CHRNB4: variants seen among roughly 807,000 people sequenced by gnomAD.
CHRNB4 encodes the protein neuronal acetylcholine receptor subunit beta-4.
A neutral mutation model predicts 40.4 loss-of-function variants in CHRNB4; 23 were observed. The ratio of observed to expected loss-of-function variants is 0.57; its 90% CI spans 0.41 to 0.81. CHRNB4 has a LOEUF of 0.81. CHRNB4 is among the 30% of genes least tolerant of loss of function. CHRNB4 has a pLI of 0.00. For missense variants in CHRNB4, 568 were observed against 670.6 expected (o/e 0.85, Z 1.69); for synonymous variants, 285 against 274.4 (o/e 1.04, Z -0.38).
At chr15:78,648,083 T>C (rs2054141114) in intron 7 of CHRNB4, among the ~76,000 whole-genome samples, 1 of 151,504 alleles carries the variant, frequency 6.6e-6, no homozygotes, top group South Asian at 2.1e-4. Context: ...ATGAGATTAG[T>C]GCTTTATAAA....
chr15:78,639,551 G>C (rs1329194455), intron 1 of CHRNB4, among the ~76,000 whole-genome samples: 1 of 152,190 alleles, frequency 6.6e-6, no homozygotes, highest in African/African-American at 2.4e-5. Flanking sequence ...GCCCGCCTCT[G>C]CCTCCCAAAG....
At chr15:78,628,524 G>GA (rs1178560818) in intron 5 of CHRNB4, among the ~76,000 whole-genome samples, 1 of 152,228 alleles carries the variant, frequency 6.6e-6, no homozygotes, top group Non-Finnish European at 1.5e-5. Context: ...TTTAGGGAAT[G>GA]GGGGCTGGTG....
chr15:78,653,477 C>T (rs925617594), intron 5 of CHRNB4, among the ~76,000 whole-genome samples: 1 of 152,174 alleles, frequency 6.6e-6, no homozygotes. Flanking sequence ...TCACCTGGCT[C>T]CCCAGCTGTC....
intron 2 of CHRNB4, among the ~76,000 whole-genome samples, chr15:78,658,028 C>CTTTTTTTTTTTTTTT (rs71448810): frequency 1.1e-5 from 1 of 90,508 alleles, no homozygotes. Flanking sequence ...TCTTGTTTCT[C>CTTTTTTTTTTTTTTT]TTTTTTTTTT....
In CHRNB4 at chr15:78,631,046, C is replaced by G. The variant is rs1184674806; in HGVS notation, c.359+30G>C. On this transcript the variant is annotated intron_variant, in intron 4 of 5. Coordinates refer to ENST00000261751, the MANE Select transcript of CHRNB4 (RefSeq NM_000750.5). ...GGGCCTGCTGCCCTGGCCTGGCTGT[C>G]ACCAGGCCTCCACCAACCCTGCCAC... 2.6e-6 allele frequency: 4 copies of G among 1,566,582 alleles called. No individual in the cohort carries two copies. In the African/African-American group the frequency reaches 5.4e-5, roughly 21 times the overall value.
chr15:78,625,540 C>T (rs2053632754), intron 5 of CHRNB4, among the ~76,000 whole-genome samples: 1 of 152,182 alleles, frequency 6.6e-6, no homozygotes, highest in Non-Finnish European at 1.5e-5. Context: ...TTGGGCTGTA[C>T]AGAAAAGCTA....
chr15:78,626,373 TG>T (rs869221146), intron 5 of CHRNB4: 35,313 of 145,752 alleles, frequency 0.24, 4,606 homozygotes, highest in Non-Finnish European at 0.3. Context: ...TGTGTGTGTG[TG>T]TGTGTGTGTG....
At chr15:78,637,770 T>A (rs924511932) in intron 1 of CHRNB4, among the ~76,000 whole-genome samples, 1 of 152,150 alleles carries the variant, frequency 6.6e-6, no homozygotes, top group Non-Finnish European at 1.5e-5. Flanking sequence ...ACAGATGCAA[T>A]ATTTAGTGCC....
rs771669915 is a variant in CHRNB4, at chr15:78,631,144, G to A, written c.291C>T (p.Tyr97=). The change falls in exon 4 of 6, where the codon TAC becomes TAT. Residue 97 remains tyrosine, a synonymous_variant. Coordinates refer to ENST00000261751, the MANE Select transcript of CHRNB4 (RefSeq NM_000750.5). ...DYRLTWNSSR[Y]EGVNILRIPA... is the part of the protein sequence containing the mutation. The stretch of plus-strand genomic sequence containing the variant: ...GGATCCTCAGGATGTTCACACCCTC[G>A]TAGCGGGAGCTGTTCCAGGTCAGGC... The A allele has an allele frequency of 1.1e-5, 18 of 1,614,094 alleles. No homozygotes were observed. The highest frequency in any genetic ancestry group is 8.3e-5 in the Admixed American group (5 of 60,014).
rs771531929 is a variant in CHRNB4, at chr15:78,653,972, T to C, written c.-109-1301A>G. ...GGATGGGTTGCAATGGGCTCCAGGA[T>C]GAAAGGCTGTGCAGAGGAAGCTCAA... On this transcript the variant is annotated intron_variant and NMD_transcript_variant, in intron 5 of 11. Coordinates refer to the CHRNB4 transcript ENST00000559849. Among the ~76,000 whole-genome samples, 33 of 152,152 alleles carry C rather than the reference T, an allele frequency of 2.2e-4. 1 individual carries two copies. Among genetic ancestry groups the C allele is most frequent in the Non-Finnish European group, 1.8e-4 (12 of 68,026 alleles).
At chr15:78,647,279 A>G (rs749552149) in intron 7 of CHRNB4, among the ~76,000 whole-genome samples, 4 of 152,178 alleles carry the variant, frequency 2.6e-5, no homozygotes, top group Non-Finnish European at 4.4e-5. Flanking sequence ...GATATTTGCA[A>G]TTCATATAAT....
At position 78,629,565 on chromosome 15, in the gene CHRNB4, G is replaced by A. The variant is rs763481276; in HGVS notation, c.740C>T (p.Thr247Ile). Residue 247 changes from threonine (T) to isoleucine (I), a missense_variant, in exon 5 of 6, where the codon ACC (threonine) becomes ATC (isoleucine). Thr to Ile is a moderately conservative substitution (Grantham distance 89, BLOSUM62 -1). Around this residue, in one of 4 missense-constraint regions of CHRNB4, gnomAD observed 38 missense variants for 80.3 expected, o/e 0.47. Coordinates refer to ENST00000261751, the MANE Select transcript of CHRNB4 (RefSeq NM_000750.5). This position sits in a 1 kb window ranked among gnomAD's most constrained non-coding sequence, Gnocchi z 6.8. ...GTAGAAGACGAGGATGGCCAGCAAG[G>A]TGGTGAGCACGCAGGGGATGATGAG... ...INLIIPCVLTTLLAILVFYLP... is the reference protein window; with the variant it reads ...INLIIPCVLTILLAILVFYLP... The A allele has an allele frequency of 1.9e-6, 3 of 1,614,164 alleles. No individual in the cohort carries two copies. The highest frequency in any genetic ancestry group is 2.5e-6 in the Non-Finnish European group (3 of 1,180,038).
At chr15:78,646,928 CCCAGGAGTT>C (rs1188879624) in intron 7 of CHRNB4, among the ~76,000 whole-genome samples, 1 of 152,096 alleles carries the variant, frequency 6.6e-6, no homozygotes, top group Admixed American at 6.6e-5. Context: ...ATTGCTTGAG[CCCAGGAGTT>C]CCAGACCAGC....
At position 78,629,093 on chromosome 15, in the gene CHRNB4, G is replaced by C; in HGVS notation, c.1212C>G (p.Thr404=). The change falls in exon 5 of 6, where the codon ACC becomes ACG. Residue 404 remains threonine (T), a synonymous_variant. Transcript: ENST00000261751. The surrounding 1 kb of genome is among the most constrained non-coding windows in gnomAD (Gnocchi z 6.8). ...SAASKSPAGS[T]PVAIPRDFWL... is the part of the protein sequence containing the mutation. ...AGAAATCCCTGGGGATAGCCACCGG[G>C]GTAGAGCCGGCTGGAGACTTGGAAG... 2 of 1,614,182 alleles carry C rather than the reference G, an allele frequency of 1.2e-6. No homozygotes were observed. Among genetic ancestry groups the C allele is most frequent in the Non-Finnish European group, 1.7e-6 (2 of 1,180,036 alleles).
intron 1 of CHRNB4, among the ~76,000 whole-genome samples, chr15:78,637,557 C>A (rs561770126): frequency 6.6e-6 from 1 of 152,050 alleles, no homozygotes; most frequent in Non-Finnish European, 1.5e-5. Flanking sequence ...GAGTCGATTA[C>A]ATCTTCCTGC....
chr15:78,659,344 G>C (rs984390051), intron 1 of CHRNB4, among the ~76,000 whole-genome samples: 2 of 152,110 alleles, frequency 1.3e-5, no homozygotes, highest in South Asian at 2.1e-4. Context: ...TGAGGTGGGA[G>C]GATCACTTGA....
chr15:78,655,646 G>A (rs558980717), exon 5 of CHRNB4: 2 of 151,812 alleles, frequency 1.3e-5, no homozygotes, highest in South Asian at 2.1e-4. Flanking sequence ...ACTCCAGCTC[G>A]AGCAACAGAG....
In CHRNB4 at chr15:78,655,566, A is replaced by T. The variant is rs79287119; in HGVS notation, c.-132T>A. On this transcript the variant is annotated 5_prime_UTR_variant and NMD_transcript_variant, in exon 5 of 12. Transcript: ENST00000559849. Reference sequence around the variant, plus strand: ...TACCTATTGGTCCCAGCCACTTGGGAGGCTGAGGTAGGAGGATCGCTTGAT... The same window carrying T: ...TACCTATTGGTCCCAGCCACTTGGGTGGCTGAGGTAGGAGGATCGCTTGAT... 3.3e-5 allele frequency: 5 copies of T among 150,354 alleles called. No individual in the cohort carries two copies. The East Asian group carries it at 9.8e-4, about 29-fold the overall frequency. The allele number at this position is 150,354 out of a possible 1,614,324, so 9.3% of individuals were successfully genotyped here.
At position 78,629,944 on chromosome 15, in the gene CHRNB4, C is replaced by A; in HGVS notation, c.361G>T (p.Ala121Ser). Residue 121 changes from alanine to serine, a missense_variant and splice_region_variant, in exon 5 of 6, where the codon GCC becomes TCC. Coordinates refer to ENST00000261751, the MANE Select transcript of CHRNB4 (RefSeq NM_000750.5). The surrounding 1 kb of genome is among the most constrained non-coding windows in gnomAD (Gnocchi z 6.8). The stretch of plus-strand genomic sequence containing the variant: ...ACAGACACCTCATAGGTCCCGTCGG[C>A]GCTGGGCAGGGTCAGGGCATGGAGA... The part of the protein sequence containing the change: ...WLPDIVLYNN[A>S]DGTYEVSVYT... The A allele has an allele frequency of 6.4e-7, 1 of 1,570,518 alleles. No individual in the cohort carries two copies. Among genetic ancestry groups the A allele is most frequent in the Non-Finnish European group, 8.6e-7 (1 of 1,161,238 alleles).
Sources: gnomAD v4.1 joint callset for allele counts (sites outside exome capture counted in the v4.1 genomes callset) on GRCh38, gnomAD v4.1.1 for gene constraint, gnomAD v4.1.1 regional missense constraint, Gnocchi (gnomAD v3.1) non-coding constraint, MANE v1.5 for transcripts, NCBI Gene and HGNC (gene_info 2026-07-23, HGNC 2026-07-21) for gene names.